The following UBOX5 variants were observed in gnomAD, a reference collection of about 807,000 sequenced individuals.
UBOX5 encodes U-box domain containing 5.
In UBOX5, 28 loss-of-function variants were observed where a neutral mutation model predicts 39.0. That is an observed-to-expected ratio of 0.72 (90% CI 0.53 to 0.98). The LOEUF (loss-of-function observed/expected upper bound fraction) is 0.98, where lower values mean the gene tolerates loss of function less well. UBOX5 is among the 50% of genes least tolerant of loss of function. UBOX5 has a pLI of 0.00. For missense variants in UBOX5, 585 were observed against 674.4 expected, an observed-to-expected ratio of 0.87 and a Z score of 1.47; for synonymous variants, 283 against 275.5, an observed-to-expected ratio of 1.03 and a Z score of -0.27.
Position 3,110,016 on chromosome 20 carries a change from C to T in UBOX5, c.*90G>A, listed in dbSNP as rs900165345. On this transcript the variant is annotated 3_prime_UTR_variant, in exon 5 of 5. Coordinates refer to ENST00000217173, the MANE Select transcript of UBOX5 (RefSeq NM_014948.4). The stretch of plus-strand genomic sequence containing the variant: ...GGAGCAGGCAGCTCTGTGCCTGGGG[C>T]CTGGCCAGACCTCAGGGGTGCTGTG... 69 of 1,498,446 alleles carry T rather than the reference C, an allele frequency of 4.6e-5. No homozygotes were observed. Among genetic ancestry groups the T allele is most frequent in the Admixed American group, 2.8e-4 (16 of 57,656 alleles). The allele number at this position is 1,498,446 out of a possible 1,614,324, so 92.8% of individuals were successfully genotyped here.
At chr20:3,124,172 C>T (rs1159440324) in intron 1 of UBOX5, among the ~76,000 whole-genome samples, 1 of 152,114 alleles carries the variant, frequency 6.6e-6, no homozygotes, top group African/African-American at 2.4e-5. Context: ...GCATTCCAGC[C>T]TAGGTGACAG....
At chr20:3,148,766 T>G in intron 1 of UBOX5, 1 of 1,614,246 alleles carries the variant, frequency 6.2e-7, no homozygotes, top group East Asian at 2.2e-5. Flanking sequence ...GTCCTCTTCA[T>G]CAACTCCTGT....
chr20:3,133,490 C>A (rs1040767009), intron 1 of UBOX5, among the ~76,000 whole-genome samples: 1 of 151,936 alleles, frequency 6.6e-6, no homozygotes, highest in East Asian at 1.9e-4. Context: ...GGCTAATGTG[C>A]CCTGCTTTCA....
intron 1 of UBOX5, chr20:3,147,116 T>C (rs781767042): frequency 6.2e-7 from 1 of 1,613,828 alleles, no homozygotes; most frequent in African/African-American, 1.3e-5. Context: ...CATGGGCTGC[T>C]GCCCAGGCTC....
Position 3,110,228 on chromosome 20 carries a change from G to A in UBOX5, c.1504C>T (p.Leu502=), listed in dbSNP as rs1249687131. 1.9e-6 allele frequency: 3 copies of A among 1,614,094 alleles called. No individual in the cohort carries two copies. Among genetic ancestry groups the A allele is most frequent in the African/African-American group, 1.3e-5 (1 of 75,060 alleles). The change falls in exon 5 of 5, where the codon CTG becomes TTG. Residue 502 remains leucine (L), a synonymous_variant. Coordinates refer to ENST00000217173, the MANE Select transcript of UBOX5 (RefSeq NM_014948.4). The part of the protein sequence containing the change: ...PYFKKEPVYQ[L]PCGHLLCRPC... Reference sequence around the variant, plus strand: ...CGGCACAGGAGGTGGCCGCAGGGCAGCTGGTACACCGGCTCCTTTTTGAAG... The same window carrying A: ...CGGCACAGGAGGTGGCCGCAGGGCAACTGGTACACCGGCTCCTTTTTGAAG...
intron 1 of UBOX5, chr20:3,147,615 G>T (rs1191304607): frequency 1.2e-6 from 2 of 1,614,196 alleles, no homozygotes; most frequent in African/African-American, 1.3e-5. Flanking sequence ...AACTCTACTG[G>T]AAAGTACTCC....
chr20:3,122,696 T>G, intron 2 of UBOX5, 112 bp from the exon 3 acceptor site: 2 of 1,382,072 alleles, frequency 1.4e-6, no homozygotes, highest in South Asian at 1.5e-5. Context: ...TCTATTAAAC[T>G]GAATTGTCCC....
At chr20:3,155,317 G>T (rs755619314) in intron 1 of UBOX5, among the ~76,000 whole-genome samples, 5 of 152,156 alleles carry the variant, frequency 3.3e-5, no homozygotes, top group Non-Finnish European at 7.3e-5. Flanking sequence ...ATCACCTGAG[G>T]TCAGGAGTTT....
intron 1 of UBOX5, among the ~76,000 whole-genome samples, chr20:3,137,981 A>C (rs986413782): frequency 1.3e-5 from 2 of 152,208 alleles, no homozygotes; most frequent in Non-Finnish European, 2.9e-5. Context: ...AAAATGCAAA[A>C]GTATATATAG....
At chr20:3,136,453 A>T (rs2066473187) in intron 1 of UBOX5, among the ~76,000 whole-genome samples, 1 of 151,874 alleles carries the variant, frequency 6.6e-6, no homozygotes. Context: ...TCCCAGGTTC[A>T]AGCAATTCTC....
intron 3 of UBOX5, among the ~76,000 whole-genome samples, chr20:3,117,250 G>A (rs1411180797): frequency 6.7e-6 from 1 of 148,748 alleles, no homozygotes; most frequent in Non-Finnish European, 1.5e-5. Context: ...TCTTTCTATG[G>A]AACAAAAAAA....
intron 1 of UBOX5, among the ~76,000 whole-genome samples, chr20:3,132,590 G>C (rs978964706): frequency 6.6e-6 from 1 of 151,748 alleles, no homozygotes; most frequent in African/African-American, 2.4e-5. Flanking sequence ...TGGCTGAGGC[G>C]GGCAGATCAC....
intron 1 of UBOX5, chr20:3,148,671 C>T (rs2066593265): frequency 6.2e-7 from 1 of 1,614,070 alleles, no homozygotes; most frequent in Admixed American, 1.7e-5. Flanking sequence ...TGAGAAGTCT[C>T]AGATGCATTA....
chr20:3,156,268 C>G (rs1478598709), intron 1 of UBOX5, among the ~76,000 whole-genome samples: 2 of 151,420 alleles, frequency 1.3e-5, no homozygotes, highest in African/African-American at 4.9e-5. Context: ...CTCTGCATCC[C>G]GGGTTTAAGT....
At position 3,147,929 on chromosome 20, in the gene UBOX5, G is replaced by A. The variant is rs377670774; in HGVS notation, c.-42+11837C>T. 70 of 1,614,090 alleles carry A rather than the reference G, an allele frequency of 4.3e-5. No individual in the cohort carries two copies. Among genetic ancestry groups the A allele is most frequent in the Non-Finnish European group, 5.2e-5 (61 of 1,180,038 alleles). On this transcript the variant is annotated intron_variant, in intron 1 of 4. Transcript: ENST00000217173. ...TCCCAGGGAAGGAATTCGCTGAGGAGCTATCTCTCCAATCTGCTTCATGAA... is the reference window on the plus strand; with the variant it reads ...TCCCAGGGAAGGAATTCGCTGAGGAACTATCTCTCCAATCTGCTTCATGAA...
At position 3,130,885 on chromosome 20, in the gene UBOX5, G is replaced by A. The variant is rs923664858; in HGVS notation, c.-41-7479C>T. ...ATTTACTGCATTAGCCAGAACTTCC[G>A]GAATTACACAAAACAGTAAGACAGT... is the stretch of plus-strand genomic sequence containing the variant. On this transcript the variant is annotated intron_variant, in intron 1 of 4. Transcript: ENST00000217173. Among the ~76,000 whole-genome samples, 12 of 151,580 alleles carry A rather than the reference G, an allele frequency of 7.9e-5. 1 individual carries two copies. Among genetic ancestry groups the A allele is most frequent in the Admixed American group, 6.6e-4 (10 of 15,188 alleles).
chr20:3,117,411 C>T (rs1328942763), intron 3 of UBOX5, among the ~76,000 whole-genome samples: 1 of 152,148 alleles, frequency 6.6e-6, no homozygotes, highest in Non-Finnish European at 1.5e-5. Flanking sequence ...GGGCCAGGCG[C>T]TGTAGCTCAT....
At chr20:3,146,732 G>A (rs749139656) in intron 1 of UBOX5, 24 of 1,583,676 alleles carry the variant, frequency 1.5e-5, no homozygotes, top group Non-Finnish European at 6.9e-6. Context: ...ACCTGGTACA[G>A]TATACACCTA....
chr20:3,119,544 CTTT>C (rs1374546880), intron 3 of UBOX5, among the ~76,000 whole-genome samples: 7 of 152,308 alleles, frequency 4.6e-5, no homozygotes, highest in South Asian at 2.1e-4. Context: ...ACCAATACTT[CTTT>C]AACATGATAA....
Sources: gnomAD v4.1 joint callset for allele counts (sites outside exome capture counted in the v4.1 genomes callset) on GRCh38, gnomAD v4.1.1 for gene constraint, MANE v1.5 for transcripts, NCBI Gene and HGNC (gene_info 2026-07-23, HGNC 2026-07-21) for gene names.